The following MAPK14 variants were observed in gnomAD, a reference collection of about 807,000 sequenced individuals.
The protein encoded by MAPK14 is CSAID-binding protein.
Under a neutral mutation model 49.6 loss-of-function variants are expected in MAPK14, and 16 were observed. The observed-to-expected ratio is 0.32, with a 90% CI of 0.22 to 0.49. The LOEUF (loss-of-function observed/expected upper bound fraction) is 0.49. Ranked by LOEUF, MAPK14 falls within the 20% of genes least tolerant of loss-of-function variation. The pLI is 0.99. For missense variants in MAPK14, 200 were observed against 441.2 expected, an observed-to-expected ratio of 0.45 and a Z score of 4.90; for synonymous variants, 142 against 158.0, an observed-to-expected ratio of 0.90 and a Z score of 0.76.
At chr6:36,043,089 A>C (rs571461414) in intron 1 of MAPK14, among the ~76,000 whole-genome samples, 2 of 151,666 alleles carry the variant, frequency 1.3e-5, no homozygotes, top group Admixed American at 1.3e-4. Flanking sequence ...ATGCCACCAC[A>C]CTCTAGCCTG....
chr6:36,073,289 T>G (rs922533683), intron 4 of MAPK14, among the ~76,000 whole-genome samples: 1 of 152,258 alleles, frequency 6.6e-6, no homozygotes, highest in Non-Finnish European at 1.5e-5. Flanking sequence ...GACTCTTCAT[T>G]CTTACATCTA....
intron 3 of MAPK14, 33 bp from the exon 4 acceptor site, chr6:36,072,840 T>C: frequency 8.6e-7 from 1 of 1,167,856 alleles, no homozygotes. Context: ...TTAGGGGTTC[T>C]AGATTGTTAT....
chr6:36,074,010 C>T (rs1423215411), intron 5 of MAPK14, 39 bp from the exon 6 acceptor site: 1 of 1,488,042 alleles, frequency 6.7e-7, no homozygotes, highest in East Asian at 2.3e-5. Flanking sequence ...GATCATGCAT[C>T]ATAAAGTTGA....
downstream of MAPK14, among the ~76,000 whole-genome samples, chr6:36,114,905 G>A (rs12200998): frequency 0.43 from 65,420 of 151,978 alleles, 15,471 homozygotes; most frequent in South Asian, 0.64. Flanking sequence ...CTGGTGTGTT[G>A]TCGACACTCA....
chr6:36,045,830 A>T (rs537919598), intron 1 of MAPK14, among the ~76,000 whole-genome samples: 1 of 149,386 alleles, frequency 6.7e-6, no homozygotes, highest in East Asian at 1.9e-4. Context: ...AAAAAAAAAA[A>T]AAAGAAAGAA....
rs141271338 is a variant in MAPK14, at chr6:36,109,619, G to A, written c.*1172G>A. On this transcript the variant is annotated 3_prime_UTR_variant, in exon 12 of 12. Transcript: ENST00000229794. The stretch of plus-strand genomic sequence containing the variant: ...ATCATGAAAAGAGGAACAGGTGGAT[G>A]TATAGCATTTTTATTCATGCCATCT... 10 of 152,784 alleles carry A rather than the reference G, an allele frequency of 6.5e-5. No homozygotes were observed. Among genetic ancestry groups the A allele is most frequent in the South Asian group, 6.2e-4 (3 of 4,830 alleles). The allele number at this position is 152,784 out of a possible 1,614,324, so 9.5% of individuals were successfully genotyped here.
At chr6:36,030,560 G>A (rs1423592755) in intron 1 of MAPK14, among the ~76,000 whole-genome samples, 4 of 151,738 alleles carry the variant, frequency 2.6e-5, no homozygotes, top group Admixed American at 6.6e-5. Context: ...GGTGGCGGGC[G>A]CCTGTACTCC....
intron 8 of MAPK14, among the ~76,000 whole-genome samples, chr6:36,090,227 G>A (rs1765164402): frequency 6.6e-6 from 1 of 152,000 alleles, no homozygotes; most frequent in Non-Finnish European, 1.5e-5. Flanking sequence ...TGTTCATACT[G>A]TCCTGCTTGT....
At chr6:36,117,014 A>G in the MAPK14 span, among the ~76,000 whole-genome samples, 1 of 152,088 alleles carries the variant, frequency 6.6e-6, no homozygotes, top group Non-Finnish European at 1.5e-5. Context: ...TTTAAAGAAA[A>G]TTTAAAAAAA....
In MAPK14 at chr6:36,108,252, C is replaced by T. The variant is rs1185446660; in HGVS notation, c.1016-128C>T. ...GTTCCAGTAGGCTATTACATACAAGCTGTGAGGTAGCCCATCAAACCACTA... is the reference window on the plus strand; with the variant it reads ...GTTCCAGTAGGCTATTACATACAAGTTGTGAGGTAGCCCATCAAACCACTA... On this transcript the variant is annotated intron_variant, in intron 11 of 11. Transcript: ENST00000229794. 3 of 703,248 alleles carry T rather than the reference C, an allele frequency of 4.3e-6. No homozygotes were observed. The African/African-American group carries it at 5.2e-5, about 12-fold the overall frequency. The allele number at this position is 703,248 out of a possible 1,614,324, so 43.6% of individuals were successfully genotyped here. A position where few individuals can be genotyped will look rare whatever the true frequency, so the allele number is the denominator to read the frequency against.
At chr6:36,102,446 G>C in intron 9 of MAPK14, 125 bp from the exon 10 acceptor site, 1 of 715,850 alleles carries the variant, frequency 1.4e-6, no homozygotes, top group East Asian at 2.6e-5. Context: ...ATCAAAGACA[G>C]TTAGAAACAC....
chr6:36,073,001 T>C lies in MAPK14; in HGVS notation c.417+17T>C, dbSNP rs201967578. 12 of 1,472,518 alleles carry C rather than the reference T, an allele frequency of 8.1e-6. No homozygotes were observed. Among genetic ancestry groups the C allele is most frequent in the Admixed American group, 6.7e-5 (4 of 59,462 alleles). The allele number at this position is 1,472,518 out of a possible 1,614,324, so 91.2% of individuals were successfully genotyped here. A position where few individuals can be genotyped will look rare whatever the true frequency, so the allele number is the denominator to read the frequency against. The stretch of plus-strand genomic sequence containing the variant: ...GGTCTAAAGGTACAGATAATACAAG[T>C]AATAATTTTTTAAAATGAATTCTCC... On this transcript the variant is annotated intron_variant, in intron 4 of 11. Transcript: ENST00000229794.
Position 36,040,242 on chromosome 6 carries a change from A to G in MAPK14, c.116+11969A>G, listed in dbSNP as rs115273333. 7.0e-3 allele frequency among the ~76,000 whole-genome samples: 1,066 copies of G among 152,192 alleles called. 7 individuals are homozygous for G. The highest frequency in any genetic ancestry group is 0.012 in the Non-Finnish European group (831 of 68,010). On this transcript the variant is annotated intron_variant, in intron 1 of 11. Transcript: ENST00000229794. ...ATGTTTAGCAGCATCCCTGTCTCCAACTCACTGTATACTAATAGCAATTCC... is the reference window on the plus strand; with the variant it reads ...ATGTTTAGCAGCATCCCTGTCTCCAGCTCACTGTATACTAATAGCAATTCC...
chr6:36,037,634 C>T (rs1581731491), intron 1 of MAPK14, among the ~76,000 whole-genome samples: 1 of 151,908 alleles, frequency 6.6e-6, no homozygotes, highest in African/African-American at 2.4e-5. Flanking sequence ...TATGGTTTGC[C>T]GTAAGTGCTG....
chr6:36,102,167 C>G (rs1178058578), intron 9 of MAPK14, among the ~76,000 whole-genome samples: 1 of 152,356 alleles, frequency 6.6e-6, no homozygotes, highest in East Asian at 1.9e-4. Flanking sequence ...GAAGTCAGCA[C>G]TGTCAAAAGA....
intron 8 of MAPK14, among the ~76,000 whole-genome samples, chr6:36,082,523 T>TG (rs2127452742): frequency 6.6e-6 from 1 of 152,316 alleles, no homozygotes; most frequent in South Asian, 2.1e-4. Flanking sequence ...CCAGCATCTG[T>TG]TTCTGGTCAG....
chr6:36,064,226 C>A (rs943693615), intron 3 of MAPK14, among the ~76,000 whole-genome samples: 86 of 151,664 alleles, frequency 5.7e-4, no homozygotes, highest in Non-Finnish European at 8.8e-4. Context: ...AATCCCCCAA[C>A]CTTGGCCTCC....
chr6:36,082,777 CA>C (rs1231349498), intron 8 of MAPK14, among the ~76,000 whole-genome samples: 2 of 152,114 alleles, frequency 1.3e-5, no homozygotes, highest in East Asian at 3.9e-4. Flanking sequence ...TTGGAGGGGA[CA>C]AAACATCCAA....
intron 1 of MAPK14, among the ~76,000 whole-genome samples, chr6:36,037,819 C>T (rs1762809060): frequency 6.6e-6 from 1 of 151,796 alleles, no homozygotes; most frequent in Non-Finnish European, 1.5e-5. Flanking sequence ...GGCTCCTCTA[C>T]TAAAAAATAA....
Sources: allele counts gnomAD v4.1 joint callset (sites outside exome capture counted in the v4.1 genomes callset), GRCh38; gene constraint gnomAD v4.1.1; transcripts MANE v1.5; gene names NCBI Gene and HGNC (gene_info 2026-07-23, HGNC 2026-07-21).